The following CTNNA3 variants were observed in gnomAD, a reference collection of about 807,000 sequenced individuals.
CTNNA3 encodes catenin alpha 3.
Under a neutral mutation model 95.7 loss-of-function variants are expected in CTNNA3, and 76 were observed. The ratio of observed to expected loss-of-function variants is 0.79; its 90% CI spans 0.66 to 0.96. The LOEUF (loss-of-function observed/expected upper bound fraction) is 0.96, where lower values mean the gene tolerates loss of function less well. CTNNA3 is among the 40% of genes least tolerant of loss of function. The pLI is 0.00. For synonymous variants in CTNNA3, 431 were observed against 374.4 expected (o/e 1.15, Z -1.74); for missense variants, 1,191 against 1,089.8 (o/e 1.09, Z -1.31).
intron 13 of CTNNA3, among the ~76,000 whole-genome samples, chr10:66,238,894 G>A (rs4746559): frequency 0.81 from 122,581 of 151,762 alleles, 49,843 homozygotes; most frequent in South Asian, 0.94. Context: ...TTTCCAATGT[G>A]AAAAATACTG....
At chr10:67,285,811 A>G (rs1839576195) in intron 5 of CTNNA3, among the ~76,000 whole-genome samples, 1 of 152,196 alleles carries the variant, frequency 6.6e-6, no homozygotes, top group Non-Finnish European at 1.5e-5. Context: ...ATTTTTGTGT[A>G]TACTTCAGAT....
chr10:67,661,668 C>G (rs1028754044), intron 1 of CTNNA3, among the ~76,000 whole-genome samples: 2 of 151,784 alleles, frequency 1.3e-5, no homozygotes, highest in African/African-American at 4.8e-5. Flanking sequence ...TAAAAAGAAC[C>G]CTTAGAACTC....
intron 5 of CTNNA3, among the ~76,000 whole-genome samples, chr10:67,345,698 T>A (rs1278099071): frequency 6.6e-6 from 1 of 152,142 alleles, no homozygotes; most frequent in African/African-American, 2.4e-5. Flanking sequence ...CATCCCTTTA[T>A]TTTTAGTCTA....
intron 7 of CTNNA3, among the ~76,000 whole-genome samples, chr10:67,044,834 A>G (rs918490827): frequency 2.0e-5 from 3 of 152,308 alleles, no homozygotes; most frequent in Admixed American, 6.5e-5. Context: ...TCCAAATCTA[A>G]GTAACCTCAG....
chr10:67,281,328 C>G (rs1839392565), intron 5 of CTNNA3, among the ~76,000 whole-genome samples: 1 of 152,118 alleles, frequency 6.6e-6, no homozygotes, highest in South Asian at 2.1e-4. Flanking sequence ...CTATGTAATC[C>G]ACTACATTTC....
chr10:65,980,258 CTCTT>C (rs1253574010), intron 16 of CTNNA3, among the ~76,000 whole-genome samples: 4 of 151,750 alleles, frequency 2.6e-5, no homozygotes, highest in African/African-American at 9.7e-5. Flanking sequence ...ATATATAACC[CTCTT>C]AGATTAAACC....
At chr10:66,034,235 T>A (rs1441734975) in intron 15 of CTNNA3, among the ~76,000 whole-genome samples, 1 of 151,946 alleles carries the variant, frequency 6.6e-6, no homozygotes, top group African/African-American at 2.4e-5. Flanking sequence ...AATTGAAATT[T>A]AAAGTTAGAA....
intron 7 of CTNNA3, among the ~76,000 whole-genome samples, chr10:66,822,863 C>T (rs1842349888): frequency 6.6e-6 from 1 of 152,172 alleles, no homozygotes; most frequent in Non-Finnish European, 1.5e-5. Flanking sequence ...AGTAAGGAAC[C>T]TTTACATTTT....
At chr10:67,116,680 T>G (rs773892906) in intron 7 of CTNNA3, among the ~76,000 whole-genome samples, 1 of 149,950 alleles carries the variant, frequency 6.7e-6, no homozygotes, top group Admixed American at 6.7e-5. Context: ...GAAATAAATC[T>G]AAGGATCGTA....
At chr10:65,947,778 G>A (rs1029794424) in intron 17 of CTNNA3, among the ~76,000 whole-genome samples, 1 of 152,192 alleles carries the variant, frequency 6.6e-6, no homozygotes, top group African/African-American at 2.4e-5. Context: ...CTAATTCAGT[G>A]TTATTGACTG....
chr10:67,092,083 G>C (rs531986838), intron 7 of CTNNA3, among the ~76,000 whole-genome samples: 1 of 103,118 alleles, frequency 9.7e-6, no homozygotes, highest in African/African-American at 5.4e-5. Flanking sequence ...CATTTCGATA[G>C]TGACAAGGAC....
intron 11 of CTNNA3, among the ~76,000 whole-genome samples, chr10:66,446,657 T>C (rs2093424337): frequency 6.6e-6 from 1 of 152,154 alleles, no homozygotes; most frequent in Non-Finnish European, 1.5e-5. Context: ...ATAAATTACG[T>C]ATTGATGGGA....
intron 7 of CTNNA3, among the ~76,000 whole-genome samples, chr10:66,795,700 C>T (rs1841158386): frequency 6.6e-6 from 1 of 152,176 alleles, no homozygotes; most frequent in African/African-American, 2.4e-5. Flanking sequence ...TAGAAGGCGT[C>T]TTCTTCCATG....
At chr10:67,336,297 AC>A (rs1841993842) in intron 5 of CTNNA3, among the ~76,000 whole-genome samples, 1 of 152,018 alleles carries the variant, frequency 6.6e-6, no homozygotes, top group South Asian at 2.1e-4. Context: ...GTCACTTTCC[AC>A]CAAAAGCTAA....
chr10:67,562,147 G>T (rs975023268), intron 3 of CTNNA3, among the ~76,000 whole-genome samples: 2 of 152,162 alleles, frequency 1.3e-5, no homozygotes, highest in African/African-American at 4.8e-5. Context: ...TATGAGGTCA[G>T]CATCATCCTG....
At chr10:67,023,078 G>A (rs1314581073) in intron 7 of CTNNA3, among the ~76,000 whole-genome samples, 1 of 152,134 alleles carries the variant, frequency 6.6e-6, no homozygotes, top group Non-Finnish European at 1.5e-5. Context: ...CCCCAGTTGA[G>A]CTATGTATCT....
At chr10:67,109,403 T>G (rs1020808295) in intron 7 of CTNNA3, among the ~76,000 whole-genome samples, 1 of 152,230 alleles carries the variant, frequency 6.6e-6, no homozygotes, top group Admixed American at 6.5e-5. Flanking sequence ...GAGAATACCA[T>G]TACTCTCAAA....
chr10:66,328,659 G>A (rs961377324), intron 12 of CTNNA3, among the ~76,000 whole-genome samples: 10 of 151,540 alleles, frequency 6.6e-5, no homozygotes, highest in Non-Finnish European at 1.0e-4. Flanking sequence ...ACCATTTTAT[G>A]TGTATATAAA....
At chr10:65,945,708 C>T (rs887437690) in intron 17 of CTNNA3, among the ~76,000 whole-genome samples, 2 of 152,080 alleles carry the variant, frequency 1.3e-5, no homozygotes, top group African/African-American at 4.8e-5. Flanking sequence ...CTTCCTTGTA[C>T]CTTAGCTCTC....
Sources: allele counts gnomAD v4.1 joint callset (sites outside exome capture counted in the v4.1 genomes callset), GRCh38; gene constraint gnomAD v4.1.1; transcripts MANE v1.5; gene names NCBI Gene and HGNC (gene_info 2026-07-23, HGNC 2026-07-21).